MACROD1: variants seen among roughly 807,000 people sequenced by gnomAD.
MACROD1 encodes ADP-ribose glycohydrolase MACROD1.
MACROD1 carries 31 observed loss-of-function variants against 41.4 expected under a neutral mutation model. The observed-to-expected ratio is 0.75, with a 90% CI of 0.56 to 1.01. The LOEUF (loss-of-function observed/expected upper bound fraction) is 1.01. Among genes scored for constraint, MACROD1 ranks in the 50% least tolerant of loss-of-function variants. The pLI, the probability that MACROD1 is intolerant of heterozygous loss-of-function variation, is 0.00. For missense variants in MACROD1, 473 were observed against 460.0 expected (o/e 1.03, Z -0.26); for synonymous variants, 252 against 203.4 (o/e 1.24, Z -2.03).
intron 3 of MACROD1, among the ~76,000 whole-genome samples, chr11:64,133,425 G>C (rs1368767026): frequency 6.6e-6 from 1 of 152,210 alleles, no homozygotes; most frequent in East Asian, 1.9e-4. Context: ...CCTTGCATAG[G>C]GAGGCACACG....
chr11:64,078,528 G>C (rs867946295), intron 3 of MACROD1, among the ~76,000 whole-genome samples: 40 of 152,342 alleles, frequency 2.6e-4, no homozygotes, highest in African/African-American at 9.1e-4. Context: ...AGGGATACCC[G>C]GGAGGGGAGC....
In MACROD1 at chr11:63,999,907, G is replaced by A. The variant is rs1942790374; in HGVS notation, c.665-144C>T. 7 of 988,528 alleles carry A rather than the reference G, an allele frequency of 7.1e-6. No individual in the cohort carries two copies. In the South Asian group the frequency reaches 1.2e-4, roughly 17 times the overall value. The allele number at this position is 988,528 out of a possible 1,614,324, so 61.2% of individuals were successfully genotyped here. Reference sequence around the variant, plus strand: ...CTCCTCCGCGAAGGCCCCCACCCCTGTGGGCCCCCTCGAGCCCGAATCCGC... The same window carrying A: ...CTCCTCCGCGAAGGCCCCCACCCCTATGGGCCCCCTCGAGCCCGAATCCGC... On this transcript the variant is annotated intron_variant, in intron 5 of 10. Coordinates refer to ENST00000255681, the MANE Select transcript of MACROD1 (RefSeq NM_014067.4).
intron 3 of MACROD1, among the ~76,000 whole-genome samples, chr11:64,128,683 A>C (rs1945222355): frequency 7.0e-6 from 1 of 142,204 alleles, no homozygotes; most frequent in Non-Finnish European, 1.5e-5. Context: ...CACGCCTGAC[A>C]CCCCCCAGGC....
chr11:64,066,294 CAAAAAAAA>C (rs59963244), intron 3 of MACROD1, among the ~76,000 whole-genome samples: 15 of 50,946 alleles, frequency 2.9e-4, no homozygotes, highest in African/African-American at 9.7e-4. Flanking sequence ...GAGACTGTCT[CAAAAAAAA>C]AAAAAAAAAA....
At position 64,120,793 on chromosome 11, in the gene MACROD1, G is replaced by A. The variant is rs1342721388; in HGVS notation, c.517+30446C>T. 2.6e-5 allele frequency among the ~76,000 whole-genome samples: 4 copies of A among 152,066 alleles called. No individual in the cohort carries two copies. Among genetic ancestry groups the A allele is most frequent in the Admixed American group, 1.3e-4 (2 of 15,272 alleles). On this transcript the variant is annotated intron_variant, in intron 3 of 10. Transcript: ENST00000255681. The surrounding 1 kb of genome is among the most constrained non-coding windows in gnomAD (Gnocchi z 4.5). ...GGAGAGCGTGCCCGAGGTGTGCCACGTTGGCACAGGGGACAGAAGTCCCAG... is the reference window on the plus strand; with the variant it reads ...GGAGAGCGTGCCCGAGGTGTGCCACATTGGCACAGGGGACAGAAGTCCCAG...
chr11:64,065,440 A>G (rs1338211158), intron 3 of MACROD1, among the ~76,000 whole-genome samples: 1 of 152,156 alleles, frequency 6.6e-6, no homozygotes, highest in African/African-American at 2.4e-5. Context: ...ACATTTACTG[A>G]GGCTCCAGAG....
chr11:64,048,133 A>G (rs1943619901), intron 3 of MACROD1, among the ~76,000 whole-genome samples: 4 of 152,174 alleles, frequency 2.6e-5, no homozygotes, highest in Non-Finnish European at 5.9e-5. Context: ...AGGGCCGGGC[A>G]GGGGCCCTGC....
chr11:64,035,476 C>T (rs1303229785), intron 3 of MACROD1, among the ~76,000 whole-genome samples: 2 of 152,022 alleles, frequency 1.3e-5, no homozygotes, highest in Non-Finnish European at 2.9e-5. Flanking sequence ...GGAGGCGGCG[C>T]GTGAGCTAGA....
At chr11:64,053,964 G>A (rs1204673623) in intron 3 of MACROD1, among the ~76,000 whole-genome samples, 4 of 152,062 alleles carry the variant, frequency 2.6e-5, no homozygotes, top group African/African-American at 7.2e-5. Context: ...CTGTTCCTGC[G>A]TTCCAGCACC....
At chr11:64,143,575 T>A (rs1945443709) in intron 3 of MACROD1, among the ~76,000 whole-genome samples, 1 of 152,032 alleles carries the variant, frequency 6.6e-6, no homozygotes, top group African/African-American at 2.4e-5. Context: ...CAGATTCAGA[T>A]GTTGGTCCCA....
At chr11:64,006,401 C>T (rs866804073) in intron 4 of MACROD1, among the ~76,000 whole-genome samples, 1 of 152,208 alleles carries the variant, frequency 6.6e-6, no homozygotes. Flanking sequence ...GGGTGCAGAG[C>T]CCATCCTCAC....
intron 4 of MACROD1, among the ~76,000 whole-genome samples, chr11:64,002,400 G>A (rs1590789041): frequency 6.6e-6 from 1 of 152,186 alleles, no homozygotes; most frequent in African/African-American, 2.4e-5. Flanking sequence ...GGGAGGTGGA[G>A]GGAGCTGGAA....
At chr11:64,112,663 A>G (rs1247634463) in intron 3 of MACROD1, among the ~76,000 whole-genome samples, 1 of 152,202 alleles carries the variant, frequency 6.6e-6, no homozygotes, top group East Asian at 1.9e-4. Context: ...CACTGGAAGG[A>G]GATGCAGGCG....
At chr11:64,041,083 T>C (rs893298742) in intron 3 of MACROD1, among the ~76,000 whole-genome samples, 17 of 151,710 alleles carry the variant, frequency 1.1e-4, no homozygotes, top group African/African-American at 4.1e-4. Context: ...TCCTGGCCAT[T>C]CCTGCCCGCG....
intron 3 of MACROD1, among the ~76,000 whole-genome samples, chr11:64,037,240 G>T (rs886429767): frequency 1.3e-5 from 2 of 152,164 alleles, no homozygotes; most frequent in South Asian, 4.1e-4. Context: ...CTCCCCAGGT[G>T]GCTCAGGAGT....
chr11:64,033,795 C>T (rs1048884752), intron 3 of MACROD1, among the ~76,000 whole-genome samples: 26 of 151,926 alleles, frequency 1.7e-4, no homozygotes, highest in African/African-American at 5.1e-4. Context: ...GAGCTGAGAT[C>T]GTGCCATTGC....
At chr11:64,034,379 A>G (rs150309224) in intron 3 of MACROD1, among the ~76,000 whole-genome samples, 13 of 152,348 alleles carry the variant, frequency 8.5e-5, no homozygotes, top group Admixed American at 8.5e-4. Flanking sequence ...TGTTGGTATA[A>G]TGCTGTTTGG....
At position 64,011,574 on chromosome 11, in the gene MACROD1, C is replaced by T. The variant is rs539551693; in HGVS notation, c.547+3678G>A. ...CTAGGAGCTCAGAATCTCCCATAAC[C>T]CTGCCCTCGGGGGAGTCCATTCCGG... On this transcript the variant is annotated intron_variant, in intron 4 of 10. Transcript: ENST00000255681. Among the ~76,000 whole-genome samples the T allele has an allele frequency of 4.6e-5, 7 of 152,016 alleles. No individual in the cohort carries two copies. The East Asian group carries it at 5.8e-4, about 13-fold the overall frequency.
rs2134389478 is a variant in MACROD1 at position 64,041,962 on chromosome 11, C to T, written c.518-26681G>A. ...GCTCCTAGCCTGGGCTGGGCTGCCC[C>T]ACCCTGAGTGGGGACTTGGGTTCAG... On this transcript the variant is annotated intron_variant, in intron 3 of 10. Coordinates refer to ENST00000255681, the MANE Select transcript of MACROD1 (RefSeq NM_014067.4). 5.3e-5 allele frequency among the ~76,000 whole-genome samples: 8 copies of T among 152,322 alleles called. No individual in the cohort carries two copies. The Middle Eastern group carries it at 0.024, about 453-fold the overall frequency.
Sources: gnomAD v4.1 joint callset for allele counts (sites outside exome capture counted in the v4.1 genomes callset) on GRCh38, gnomAD v4.1.1 for gene constraint, Gnocchi (gnomAD v3.1) non-coding constraint, MANE v1.5 for transcripts, NCBI Gene and HGNC (gene_info 2026-07-23, HGNC 2026-07-21) for gene names.